B3GALT1: variants seen among roughly 807,000 people sequenced by gnomAD.
B3GALT1 encodes the protein UDP-Gal:betaGlcNAc beta 1,3-galactosyltransferase, polypeptide 1.
In B3GALT1, 10 loss-of-function variants were observed where a neutral mutation model predicts 23.2. The ratio of observed to expected loss-of-function variants is 0.43; its 90% CI spans 0.27 to 0.73. B3GALT1 has a LOEUF of 0.73. Among genes scored for constraint, B3GALT1 ranks in the 30% least tolerant of loss-of-function variants. The pLI is 0.21. For missense variants in B3GALT1, 299 were observed against 405.4 expected (o/e 0.74, Z 2.25); for synonymous variants, 156 against 141.5 (o/e 1.10, Z -0.73).
At chr2:167,563,038 C>T (rs2105391041) in intron 2 of B3GALT1, among the ~76,000 whole-genome samples, 1 of 152,260 alleles carries the variant, frequency 6.6e-6, no homozygotes, top group East Asian at 1.9e-4. Context: ...AAAAGTCTCC[C>T]ATGTCCACCC....
At chr2:167,620,720 T>C (rs1033901182) in intron 2 of B3GALT1, among the ~76,000 whole-genome samples, 1 of 46,292 alleles carries the variant, frequency 2.2e-5, no homozygotes, top group African/African-American at 2.5e-4. Context: ...TCAGCTCTCA[T>C]ACTGTAAACA....
chr2:167,520,412 C>G (rs545489509), intron 2 of B3GALT1, among the ~76,000 whole-genome samples: 27 of 152,220 alleles, frequency 1.8e-4, no homozygotes, highest in African/African-American at 6.5e-4. Context: ...CAAAATTGCT[C>G]TTGTCTGATA....
At chr2:167,458,346 T>A (rs1022353274) in intron 1 of B3GALT1, among the ~76,000 whole-genome samples, 1 of 152,206 alleles carries the variant, frequency 6.6e-6, no homozygotes, top group African/African-American at 2.4e-5. Context: ...ATTTTGCTTA[T>A]CCATTCATCC....
rs2105256477 is a variant in B3GALT1, at chr2:167,352,314, C to A, written c.-511+58980C>A. 1.4e-5 allele frequency among the ~76,000 whole-genome samples: 2 copies of A among 146,522 alleles called. 1 individual carries two copies. The highest frequency in any genetic ancestry group is 4.3e-4 in the South Asian group (2 of 4,606). Reference sequence around the variant, plus strand: ...TTTTTAAGTCCTTCGCTATTTGCTTCTCTGCATAATCAATTTATTAAGAGA... The same window carrying A: ...TTTTTAAGTCCTTCGCTATTTGCTTATCTGCATAATCAATTTATTAAGAGA... On this transcript the variant is annotated intron_variant, in intron 1 of 4. Coordinates refer to ENST00000392690, the MANE Select transcript of B3GALT1 (RefSeq NM_020981.4).
At chr2:167,380,893 A>G (rs1697839106) in intron 1 of B3GALT1, among the ~76,000 whole-genome samples, 1 of 152,018 alleles carries the variant, frequency 6.6e-6, no homozygotes, top group African/African-American at 2.4e-5. Flanking sequence ...CGCCTCTGGG[A>G]TCTGGGGTGT....
At chr2:167,696,498 G>C (rs1013135339) in intron 3 of B3GALT1, among the ~76,000 whole-genome samples, 2 of 151,988 alleles carry the variant, frequency 1.3e-5, no homozygotes, top group African/African-American at 4.8e-5. Context: ...TTATATTCCA[G>C]TTTTACACAT....
intron 2 of B3GALT1, among the ~76,000 whole-genome samples, chr2:167,526,662 C>G (rs937689175): frequency 6.6e-6 from 1 of 152,160 alleles, no homozygotes; most frequent in African/African-American, 2.4e-5. Flanking sequence ...AGAACTCATG[C>G]ATAGGAGTGC....
At chr2:167,314,617 T>C (rs1412812312) in intron 1 of B3GALT1, among the ~76,000 whole-genome samples, 2 of 152,184 alleles carry the variant, frequency 1.3e-5, no homozygotes, top group South Asian at 2.1e-4. Context: ...AAATTAGTCA[T>C]TTTATTAAGA....
chr2:167,413,897 T>G (rs1334226139), intron 1 of B3GALT1, among the ~76,000 whole-genome samples: 1 of 152,108 alleles, frequency 6.6e-6, no homozygotes, highest in Non-Finnish European at 1.5e-5. Flanking sequence ...AAGGAATACA[T>G]TCTAATTTCA....
At chr2:167,571,258 C>T (rs1158993216) in intron 2 of B3GALT1, among the ~76,000 whole-genome samples, 5 of 151,912 alleles carry the variant, frequency 3.3e-5, no homozygotes, top group Non-Finnish European at 7.4e-5. Context: ...AAGCATAATT[C>T]TGTATAGGTG....
intron 1 of B3GALT1, among the ~76,000 whole-genome samples, chr2:167,433,522 G>C (rs1259572316): frequency 1.3e-5 from 2 of 152,138 alleles, no homozygotes; most frequent in Non-Finnish European, 2.9e-5. Flanking sequence ...TTAAAAAGGA[G>C]GGATTATTAA....
At chr2:167,530,919 C>G (rs1274849990) in intron 2 of B3GALT1, among the ~76,000 whole-genome samples, 1 of 152,106 alleles carries the variant, frequency 6.6e-6, no homozygotes, top group Admixed American at 6.6e-5. Context: ...CCTGCATATT[C>G]AGTACAAGGG....
chr2:167,844,674 G>A (rs946363265), intron 4 of B3GALT1, among the ~76,000 whole-genome samples: 2 of 152,194 alleles, frequency 1.3e-5, no homozygotes, highest in Admixed American at 6.5e-5. Context: ...GGAGCAGGAG[G>A]TAAAACTCCA....
chr2:167,592,864 C>T (rs1427864138), intron 2 of B3GALT1, among the ~76,000 whole-genome samples: 1 of 151,510 alleles, frequency 6.6e-6, no homozygotes, highest in Non-Finnish European at 1.5e-5. Flanking sequence ...GTATAGAGTA[C>T]TGCAAAGGAT....
chr2:167,436,198 G>A (rs1295664914), intron 1 of B3GALT1, among the ~76,000 whole-genome samples: 1 of 152,070 alleles, frequency 6.6e-6, no homozygotes, highest in Non-Finnish European at 1.5e-5. Flanking sequence ...GGCCTAGAAT[G>A]ACAAGTACAA....
At chr2:167,824,732 G>A (rs1159885586) in intron 4 of B3GALT1, among the ~76,000 whole-genome samples, 3 of 152,168 alleles carry the variant, frequency 2.0e-5, no homozygotes, top group Non-Finnish European at 4.4e-5. Context: ...TCCCCAAGCA[G>A]CTGAGCCAGA....
intron 3 of B3GALT1, among the ~76,000 whole-genome samples, chr2:167,807,620 C>T (rs13023166): frequency 0.073 from 11,055 of 151,980 alleles, 455 homozygotes; most frequent in South Asian, 0.16. Flanking sequence ...TGTAGTTGAG[C>T]GGTTTTGAGT....
chr2:167,740,948 C>G (rs1194208124), intron 3 of B3GALT1, among the ~76,000 whole-genome samples: 1 of 152,170 alleles, frequency 6.6e-6, no homozygotes, highest in African/African-American at 2.4e-5. Flanking sequence ...GGGAGGAGCT[C>G]CCTCCTTCCC....
chr2:167,515,871 A>T lies in B3GALT1; in HGVS notation c.-410+25594A>T, dbSNP rs184432336. Reference sequence around the variant, plus strand: ...CTTTTATGTTATATGATTAAAGAATACTCCAGCCAAACAAATGACTTGTAA... The same window carrying T: ...CTTTTATGTTATATGATTAAAGAATTCTCCAGCCAAACAAATGACTTGTAA... On this transcript the variant is annotated intron_variant, in intron 2 of 4. Coordinates refer to ENST00000392690, the MANE Select transcript of B3GALT1 (RefSeq NM_020981.4). Among the ~76,000 whole-genome samples the T allele has an allele frequency of 5.4e-3, 816 of 152,150 alleles. 7 individuals carry two copies. The highest frequency in any genetic ancestry group is 0.018 in the African/African-American group (767 of 41,536).
Sources: allele counts gnomAD v4.1 joint callset (sites outside exome capture counted in the v4.1 genomes callset), GRCh38; gene constraint gnomAD v4.1.1; transcripts MANE v1.5; gene names NCBI Gene and HGNC (gene_info 2026-07-23, HGNC 2026-07-21).